The following CCSAP variants were observed in gnomAD, a reference collection of about 807,000 sequenced individuals.
The protein encoded by CCSAP is centriole, cilia and spindle associated protein, also known as centriole, cilia and spindle-associated protein.
A neutral mutation model predicts 25.9 loss-of-function variants in CCSAP; 17 were observed. The observed-to-expected ratio is 0.66, with a 90% CI of 0.45 to 0.99. CCSAP has a LOEUF of 0.99. Among genes scored for constraint, CCSAP ranks in the 50% least tolerant of loss-of-function variants. The pLI, the probability that CCSAP is intolerant of heterozygous loss-of-function variation, is 0.00. For missense variants in CCSAP, 339 were observed against 367.8 expected, an observed-to-expected ratio of 0.92 and a Z score of 0.64; for synonymous variants, 169 against 157.1, an observed-to-expected ratio of 1.08 and a Z score of -0.57.
At chr1:229,332,934 G>T (rs1571853562) in intron 2 of CCSAP, among the ~76,000 whole-genome samples, 1 of 151,990 alleles carries the variant, frequency 6.6e-6, no homozygotes, top group East Asian at 1.9e-4. Flanking sequence ...GATATATATA[G>T]AACACTGAAC....
intron 2 of CCSAP, among the ~76,000 whole-genome samples, chr1:229,332,041 T>TGG: frequency 6.6e-6 from 1 of 151,776 alleles, no homozygotes; most frequent in African/African-American, 2.4e-5. Flanking sequence ...CGGGGTTTCA[T>TGG]CATGTTGACC....
chr1:229,336,750 G>A (rs1194513083), intron 2 of CCSAP, among the ~76,000 whole-genome samples: 1 of 152,184 alleles, frequency 6.6e-6, no homozygotes. Flanking sequence ...GCAGGGAATG[G>A]AAGACAGCTC....
chr1:229,342,116 TC>T lies in CCSAP; in HGVS notation c.349del (p.Glu117ArgfsTer10). ...CCGGGTACCTGGCAGAGCCGCGTCC[TC>T]CGCGTCCTCGGCCTCCGCGTCCCCG... Reference protein sequence around the residue: ...EAGDAEAEDAEDAALPALPVK... With the variant: ...EAGDAEAEDAXDAALPALPVK... On this transcript the variant is annotated frameshift_variant, in exon 2 of 4. Coordinates refer to ENST00000284617, the MANE Select transcript of CCSAP (RefSeq NM_145257.5). LOFTEE classifies it high-confidence loss of function. This position sits in a 1 kb window ranked among gnomAD's most constrained non-coding sequence, Gnocchi z 7.5. 7.4e-7 allele frequency: 1 copy of T among 1,348,412 alleles called. No individual in the cohort carries two copies. The highest frequency in any genetic ancestry group is 9.5e-7 in the Non-Finnish European group (1 of 1,052,264). 83.5% of individuals were successfully genotyped at this position (1,348,412 alleles called of 1,614,324 possible). A position where few individuals can be genotyped will look rare whatever the true frequency, so the allele number is the denominator to read the frequency against.
rs545329710 is a variant in CCSAP, at chr1:229,322,139, T to G, written c.*3096A>C. 1 of 152,264 alleles carries G rather than the reference T, an allele frequency of 6.6e-6. No individual in the cohort carries two copies. Among genetic ancestry groups the G allele is most frequent in the African/African-American group, 2.4e-5 (1 of 41,550 alleles). The allele number at this position is 152,264 out of a possible 1,614,324, so 9.4% of individuals were successfully genotyped here. On this transcript the variant is annotated 3_prime_UTR_variant, in exon 4 of 4. Coordinates refer to ENST00000284617, the MANE Select transcript of CCSAP (RefSeq NM_145257.5). Reference sequence around the variant, plus strand: ...ACTGAGAGGCGACTGTACCATAACATTCCATTTACAAAGTGTGTGCCCAGA... The same window carrying G: ...ACTGAGAGGCGACTGTACCATAACAGTCCATTTACAAAGTGTGTGCCCAGA...
chr1:229,327,862 C>T (rs1409325884), intron 2 of CCSAP, among the ~76,000 whole-genome samples: 6 of 133,026 alleles, frequency 4.5e-5, no homozygotes, highest in Admixed American at 3.7e-4. Flanking sequence ...AGAAAGACTC[C>T]GTCTCAAAAA....
chr1:229,325,078 A>G lies in CCSAP; in HGVS notation c.*157T>C. On this transcript the variant is annotated 3_prime_UTR_variant, in exon 4 of 4. Coordinates refer to ENST00000284617, the MANE Select transcript of CCSAP (RefSeq NM_145257.5). ...CTGCCGAGGTAGGTGACCAATATTC[A>G]TCAAAATAAAACAATCTTTTACAAA... is the stretch of plus-strand genomic sequence containing the variant. The G allele has an allele frequency of 4.4e-6, 3 of 681,596 alleles. No individual in the cohort carries two copies. The highest frequency in any genetic ancestry group is 5.7e-5 in the East Asian group (2 of 35,092). 42.2% of individuals were successfully genotyped at this position (681,596 alleles called of 1,614,324 possible).
chr1:229,328,987 C>T (rs1311655469), intron 2 of CCSAP, among the ~76,000 whole-genome samples: 4 of 152,318 alleles, frequency 2.6e-5, no homozygotes, highest in East Asian at 1.9e-4. Context: ...TTTCATGAGA[C>T]GATATCCATT....
At position 229,321,188 on chromosome 1, in the gene CCSAP, A is replaced by G. The variant is rs1657810051; in HGVS notation, c.*4047T>C. ...AATTTTAAAGTGAATGCAGTGCTCA[A>G]AACAAACTTACGATAGCACAGGGAA... On this transcript the variant is annotated 3_prime_UTR_variant, in exon 4 of 4. Coordinates refer to ENST00000284617, the MANE Select transcript of CCSAP (RefSeq NM_145257.5). 6.6e-6 allele frequency: 1 copy of G among 152,218 alleles called. No individual in the cohort carries two copies. Among genetic ancestry groups the G allele is most frequent in the Admixed American group, 6.5e-5 (1 of 15,284 alleles). The allele number at this position is 152,218 out of a possible 1,614,324, so 9.4% of individuals were successfully genotyped here.
rs111340805 is a variant in CCSAP, at chr1:229,334,030, C to T, written c.368-7024G>A. Among the ~76,000 whole-genome samples, 369 of 152,250 alleles carry T rather than the reference C, an allele frequency of 2.4e-3. 2 individuals carry two copies. The highest frequency in any genetic ancestry group is 8.2e-3 in the African/African-American group (342 of 41,552). On this transcript the variant is annotated intron_variant, in intron 2 of 3. Coordinates refer to ENST00000284617, the MANE Select transcript of CCSAP (RefSeq NM_145257.5). Reference sequence around the variant, plus strand: ...AATTCTGATATTATTAGGAATGTTTCCAGTTTCCTCATTGAGCATAACGTT... The same window carrying T: ...AATTCTGATATTATTAGGAATGTTTTCAGTTTCCTCATTGAGCATAACGTT...
In CCSAP at chr1:229,326,802, T is replaced by A; in HGVS notation, c.572A>T (p.Glu191Val). 6.2e-7 allele frequency: 1 copy of A among 1,614,214 alleles called. No homozygotes were observed. Among genetic ancestry groups the A allele is most frequent in the Non-Finnish European group, 8.5e-7 (1 of 1,180,048 alleles). Residue 191 changes from glutamate to valine, a missense_variant, in exon 3 of 4, where the codon GAA becomes GTA. Physicochemically the swap from Glu to Val is moderately radical, Grantham distance 121. Coordinates refer to ENST00000284617, the MANE Select transcript of CCSAP (RefSeq NM_145257.5). ...KHPFALYGWG[E>V]KQTDTGSQKT... The stretch of plus-strand genomic sequence containing the variant: ...CTGGCTTCCTGTATCGGTCTGTTTT[T>A]CTCCCCAGCCATAAAGAGCAAATGG...
chr1:229,327,671 C>G, intron 2 of CCSAP: 1 of 436,350 alleles, frequency 2.3e-6, no homozygotes, highest in South Asian at 1.6e-5. Context: ...AGATCGAGAC[C>G]ATCCTGGCCA....
intron 2 of CCSAP, among the ~76,000 whole-genome samples, chr1:229,327,766 G>C (rs366081): frequency 0.22 from 33,837 of 151,494 alleles, 4,042 homozygotes; most frequent in African/African-American, 0.32. Flanking sequence ...CTACTCGGGA[G>C]ACTGAGGCAG....
At chr1:229,325,740 TTTAA>T (rs1265810794) in intron 3 of CCSAP, among the ~76,000 whole-genome samples, 12 of 152,354 alleles carry the variant, frequency 7.9e-5, no homozygotes, top group Middle Eastern at 6.8e-3. Flanking sequence ...AACATAAGTA[TTTAA>T]TTAACGACTT....
In CCSAP at chr1:229,342,389, C is replaced by A; in HGVS notation, c.77G>T (p.Cys26Phe). 2 of 1,503,358 alleles carry A rather than the reference C, an allele frequency of 1.3e-6. No individual in the cohort carries two copies. Among genetic ancestry groups the A allele is most frequent in the South Asian group, 2.5e-5 (2 of 78,570 alleles). The allele number at this position is 1,503,358 out of a possible 1,614,324, so 93.1% of individuals were successfully genotyped here. ...QEPRWEEYGPCYRELLHYRLG... is the reference protein window; with the variant it reads ...QEPRWEEYGPFYRELLHYRLG... ...GCGGTAGTGCAGCAGCTCGCGGTAGCACGGCCCGTACTCCTCCCAGCGCGG... is the reference window on the plus strand; with the variant it reads ...GCGGTAGTGCAGCAGCTCGCGGTAGAACGGCCCGTACTCCTCCCAGCGCGG... The change falls in exon 2 of 4, where the codon TGC becomes TTC. Residue 26 changes from cysteine (C) to phenylalanine (F), a missense_variant. By Grantham distance (205) the Cys-to-Phe change is radical. Coordinates refer to ENST00000284617, the MANE Select transcript of CCSAP (RefSeq NM_145257.5). The surrounding 1 kb of genome is among the most constrained non-coding windows in gnomAD (Gnocchi z 7.5).
chr1:229,341,773 G>A (rs886871226), intron 2 of CCSAP, among the ~76,000 whole-genome samples: 1 of 152,004 alleles, frequency 6.6e-6, no homozygotes, highest in Non-Finnish European at 1.5e-5. Context: ...AAGCAGATGG[G>A]ACTCAGTGGT....
intron 2 of CCSAP, among the ~76,000 whole-genome samples, chr1:229,331,609 G>A (rs1658066913): frequency 1.3e-5 from 2 of 151,858 alleles, no homozygotes; most frequent in Admixed American, 1.3e-4. Flanking sequence ...CCCAGAAACC[G>A]AATCTCTCCT....
intron 2 of CCSAP, among the ~76,000 whole-genome samples, chr1:229,334,323 C>T (rs993309577): frequency 8.5e-5 from 13 of 152,202 alleles, no homozygotes; most frequent in South Asian, 2.1e-4. Flanking sequence ...TATTTCCTTA[C>T]GTGGATACTA....
At position 229,325,216 on chromosome 1, in the gene CCSAP, T is replaced by C. The variant is rs1317283323; in HGVS notation, c.*19A>G. ...GTCATTTACACTTTTTAAAAGAGGC[T>C]GTCCACGCAAGTGTTTCTTTAAGCT... On this transcript the variant is annotated 3_prime_UTR_variant, in exon 4 of 4. Coordinates refer to ENST00000284617, the MANE Select transcript of CCSAP (RefSeq NM_145257.5). 3 of 1,562,254 alleles carry C rather than the reference T, an allele frequency of 1.9e-6. No individual in the cohort carries two copies. The African/African-American group carries it at 4.1e-5, about 22-fold the overall frequency.
At chr1:229,328,813 A>G (rs1409978826) in intron 2 of CCSAP, among the ~76,000 whole-genome samples, 3 of 152,240 alleles carry the variant, frequency 2.0e-5, no homozygotes, top group African/African-American at 4.8e-5. Flanking sequence ...GTCTGCCTTC[A>G]GTGATGACCT....
Sources: gnomAD v4.1 joint callset for allele counts (sites outside exome capture counted in the v4.1 genomes callset) on GRCh38, gnomAD v4.1.1 for gene constraint, Gnocchi (gnomAD v3.1) non-coding constraint, MANE v1.5 for transcripts, NCBI Gene and HGNC (gene_info 2026-07-23, HGNC 2026-07-21) for gene names.